TNRC6B: variants seen among roughly 807,000 people sequenced by gnomAD.
The protein encoded by TNRC6B is trinucleotide repeat-containing gene 6B protein.
Under a neutral mutation model 203.6 loss-of-function variants are expected in TNRC6B, and 52 were observed. The observed-to-expected ratio is 0.26, with a 90% CI of 0.20 to 0.32. The LOEUF is 0.32. Ranked by LOEUF, TNRC6B falls within the 10% of genes least tolerant of loss-of-function variation. The probability of loss-of-function intolerance (pLI) is 1.00; values close to 1 mark genes in which losing one functional copy is unlikely to be tolerated. For missense variants in TNRC6B, 1,923 were observed against 2,286.2 expected (o/e 0.84, Z 3.24); for synonymous variants, 838 against 845.7 (o/e 0.99, Z 0.16).
intron 1 of TNRC6B, among the ~76,000 whole-genome samples, chr22:40,111,802 A>G (rs879816268): frequency 4.5e-4 from 69 of 152,204 alleles, no homozygotes; most frequent in African/African-American, 1.6e-3. Context: ...AGCTGTATCT[A>G]TGAGAAAGCA....
intron 1 of TNRC6B, among the ~76,000 whole-genome samples, chr22:40,229,591 T>C (rs766647932): frequency 6.6e-5 from 10 of 152,140 alleles, no homozygotes; most frequent in Non-Finnish European, 1.5e-4. Context: ...TCTTGCCCAT[T>C]TATCACCCCT....
rs1335223738 is a variant in TNRC6B at position 40,325,141 on chromosome 22, C to G, written c.*1900C>G. The stretch of plus-strand genomic sequence containing the variant: ...ACATTTTGTACCAGCAAATACCTGC[C>G]CATTCCAACCCTTGGTGGGAGCAGA... On this transcript the variant is annotated 3_prime_UTR_variant, in exon 23 of 23. Transcript: ENST00000454349. The G allele has an allele frequency of 6.6e-6, 1 of 152,588 alleles. No individual in the cohort carries two copies. The highest frequency in any genetic ancestry group is 2.4e-5 in the African/African-American group (1 of 41,420). The allele number at this position is 152,588 out of a possible 1,614,324, so 9.5% of individuals were successfully genotyped here. A position where few individuals can be genotyped will look rare whatever the true frequency, so the allele number is the denominator to read the frequency against.
intron 3 of TNRC6B, among the ~76,000 whole-genome samples, chr22:40,126,740 A>C (rs1280726330): frequency 6.6e-6 from 1 of 150,438 alleles, no homozygotes; most frequent in Admixed American, 6.6e-5. Flanking sequence ...ACAGGTGCAC[A>C]CCACCAAACC....
chr22:40,323,132 ATTC>A lies in TNRC6B; in HGVS notation c.5398_5400del (p.Ser1801del), dbSNP rs2071360551. On this transcript the variant is annotated inframe_deletion, in exon 23 of 23. Transcript: ENST00000454349. ...GCTTCATTGTGGGGGCCCCCAAACT[ATTC>A]TTCTAGCTTATGGGGAGTCCCAACG... 3.1e-6 allele frequency: 5 copies of A among 1,613,596 alleles called. No homozygotes were observed. The highest frequency in any genetic ancestry group is 4.2e-6 in the Non-Finnish European group (5 of 1,179,742).
At chr22:40,273,701 G>T in intron 7 of TNRC6B, 101 bp downstream of exon 7, 4 of 1,338,658 alleles carry the variant, frequency 3.0e-6, no homozygotes, top group Non-Finnish European at 4.0e-6. Context: ...TTCTCCCTCT[G>T]TCACCCAGAC....
chr22:40,293,693 G>T (rs535679978), intron 12 of TNRC6B, among the ~76,000 whole-genome samples: 1 of 152,174 alleles, frequency 6.6e-6, no homozygotes, highest in African/African-American at 2.4e-5. Context: ...CTTGCTCCTT[G>T]TCTGCCCTGC....
At chr22:40,284,599 C>T (rs546830447) in intron 11 of TNRC6B, among the ~76,000 whole-genome samples, 102 of 152,084 alleles carry the variant, frequency 6.7e-4, no homozygotes, top group Admixed American at 1.8e-3. Context: ...TCTGGGAATA[C>T]GAAGAGGGAA....
chr22:40,280,971 T>C, intron 10 of TNRC6B, 148 bp from the exon 11 acceptor site: 1 of 648,578 alleles, frequency 1.5e-6, no homozygotes. Flanking sequence ...AGTGTAAAGA[T>C]TATTATCAGA....
At chr22:40,116,208 A>G (rs2068386388) in intron 1 of TNRC6B, among the ~76,000 whole-genome samples, 1 of 152,190 alleles carries the variant, frequency 6.6e-6, no homozygotes, top group South Asian at 2.1e-4. Flanking sequence ...TAAGGGGCCA[A>G]CTTCCAAATA....
At chr22:40,296,788 T>C (rs2070950323) in intron 12 of TNRC6B, among the ~76,000 whole-genome samples, 1 of 152,110 alleles carries the variant, frequency 6.6e-6, no homozygotes, top group Non-Finnish European at 1.5e-5. Flanking sequence ...CCACCATGCC[T>C]AGCTAATTTT....
At chr22:40,052,964 T>C (rs1325869946) in intron 1 of TNRC6B, among the ~76,000 whole-genome samples, 2 of 152,192 alleles carry the variant, frequency 1.3e-5, no homozygotes, top group African/African-American at 2.4e-5. Flanking sequence ...TGTAAGTCCT[T>C]TGAGTACAGA....
At chr22:40,058,126 C>T (rs1443191800) in intron 1 of TNRC6B, among the ~76,000 whole-genome samples, 4 of 152,186 alleles carry the variant, frequency 2.6e-5, no homozygotes, top group Non-Finnish European at 5.9e-5. Context: ...TTAAACCATG[C>T]AGGTGGGTCT....
chr22:40,222,126 G>A (rs1049364198), intron 1 of TNRC6B, among the ~76,000 whole-genome samples: 2 of 152,046 alleles, frequency 1.3e-5, no homozygotes, highest in African/African-American at 2.4e-5. Context: ...ACGCCGTCTC[G>A]TAGTCCCTTC....
At chr22:40,090,165 C>G (rs1029903512) in intron 1 of TNRC6B, among the ~76,000 whole-genome samples, 1 of 152,154 alleles carries the variant, frequency 6.6e-6, no homozygotes, top group African/African-American at 2.4e-5. Flanking sequence ...TTTGTGTGAA[C>G]ATAAGTTTTC....
upstream of TNRC6B, among the ~76,000 whole-genome samples, chr22:40,176,691 C>T (rs543846134): frequency 2.0e-5 from 3 of 152,304 alleles, no homozygotes; most frequent in South Asian, 2.1e-4. Context: ...AGTTTACAGT[C>T]TCCTGGGGAA....
intron 1 of TNRC6B, chr22:40,106,669 C>T: frequency 1.3e-6 from 1 of 753,604 alleles, no homozygotes; most frequent in Non-Finnish European, 2.4e-6. Context: ...CAATCCTCAG[C>T]ATGTTAATTG....
At chr22:40,184,995 AT>A (rs921392031) in intron 1 of TNRC6B, among the ~76,000 whole-genome samples, 1 of 151,414 alleles carries the variant, frequency 6.6e-6, no homozygotes, top group Non-Finnish European at 1.5e-5. Context: ...AATTTACCAA[AT>A]TTTTTTTTGT....
chr22:40,161,176 G>A (rs2068868796), intron 4 of TNRC6B, among the ~76,000 whole-genome samples: 2 of 152,126 alleles, frequency 1.3e-5, no homozygotes, highest in Admixed American at 1.3e-4. Flanking sequence ...TGCTTGCCTT[G>A]AGAAGTCTTT....
chr22:40,294,073 C>CAAAAA (rs11354611), intron 12 of TNRC6B, among the ~76,000 whole-genome samples: 1 of 80,326 alleles, frequency 1.2e-5, no homozygotes, highest in African/African-American at 4.9e-5. Flanking sequence ...CCCATCTCTA[C>CAAAAA]AAAAAAAAAA....
Sources: gnomAD v4.1 joint callset for allele counts (sites outside exome capture counted in the v4.1 genomes callset) on GRCh38, gnomAD v4.1.1 for gene constraint, MANE v1.5 for transcripts, NCBI Gene and HGNC (gene_info 2026-07-23, HGNC 2026-07-21) for gene names.